Variants in DACH2 observed in about 807,000 individuals in gnomAD.
DACH2 encodes the protein dachshund family transcription factor 2, also known as dachshund homolog 2.
A neutral mutation model predicts 35.8 loss-of-function variants in DACH2; 17 were observed. That is an observed-to-expected ratio of 0.48 (90% CI 0.33 to 0.71). The LOEUF (loss-of-function observed/expected upper bound fraction) is 0.71, where lower values mean the gene tolerates loss of function less well. DACH2 is among the 30% of genes least tolerant of loss of function. The pLI is 0.02. For missense variants in DACH2, 469 were observed against 472.7 expected (o/e 0.99, Z 0.07); for synonymous variants, 195 against 177.3 (o/e 1.10, Z -0.79).
At chrX:86,623,066 T>A (rs1256584020) in intron 3 of DACH2, among the ~76,000 whole-genome samples, 1 of 111,825 alleles carries the variant, frequency 8.9e-6, no homozygotes, top group Non-Finnish European at 1.9e-5. Flanking sequence ...ACTGCCCACC[T>A]GGGAAAGACC....
intron 2 of DACH2, among the ~76,000 whole-genome samples, chrX:86,446,230 G>A (rs1312102625): frequency 9.4e-6 from 1 of 105,994 alleles, no homozygotes; most frequent in East Asian, 3.0e-4. Flanking sequence ...TTCAGGCTAT[G>A]TTTGTCCTTA....
chrX:86,299,640 T>A (rs910103540), intron 1 of DACH2, among the ~76,000 whole-genome samples: 11 of 112,041 alleles, frequency 9.8e-5, no homozygotes, highest in African/African-American at 2.9e-4. Flanking sequence ...ACCCAAAATT[T>A]GTTTTATATT....
At chrX:86,150,673 A>C (rs1408558965) in intron 1 of DACH2, among the ~76,000 whole-genome samples, 1 of 111,865 alleles carries the variant, frequency 8.9e-6, no homozygotes, top group Non-Finnish European at 1.9e-5. Flanking sequence ...TGAAAACACA[A>C]AGGATAACAG....
At chrX:86,676,801 G>A (rs1157541422) in intron 4 of DACH2, among the ~76,000 whole-genome samples, 5 of 111,270 alleles carry the variant, frequency 4.5e-5, no homozygotes, top group African/African-American at 1.3e-4. Context: ...TAGGTTGTTG[G>A]TTTTGTGAGC....
At chrX:86,646,148 C>T (rs147566798) in intron 3 of DACH2, among the ~76,000 whole-genome samples, 13 of 111,363 alleles carry the variant, frequency 1.2e-4, no homozygotes, top group African/African-American at 4.2e-4. Flanking sequence ...CAGCAACATG[C>T]GTAGAACTGG....
At chrX:86,298,894 G>A (rs748996056) in intron 1 of DACH2, among the ~76,000 whole-genome samples, 6 of 111,725 alleles carry the variant, frequency 5.4e-5, no homozygotes, top group Non-Finnish European at 1.1e-4. Flanking sequence ...ATAGTTTGAA[G>A]AAAACCACAG....
At chrX:86,272,277 A>C (rs2033828661) in intron 1 of DACH2, among the ~76,000 whole-genome samples, 2 of 109,219 alleles carry the variant, frequency 1.8e-5, no homozygotes, top group African/African-American at 6.7e-5. Flanking sequence ...GGTTTATTTC[A>C]TACCTTTGCT....
At chrX:86,173,678 C>A (rs770757326) in intron 1 of DACH2, among the ~76,000 whole-genome samples, 3 of 111,523 alleles carry the variant, frequency 2.7e-5, no homozygotes, top group African/African-American at 9.8e-5. Flanking sequence ...GGGGAGTTGG[C>A]CACATGGATC....
intron 4 of DACH2, among the ~76,000 whole-genome samples, chrX:86,656,817 T>C (rs947614332): frequency 8.3e-5 from 8 of 95,854 alleles, no homozygotes; most frequent in Admixed American, 4.8e-4. Context: ...AATCAAGCCA[T>C]AAAATACATA....
chrX:86,332,537 T>C (rs1445940904), intron 1 of DACH2, among the ~76,000 whole-genome samples: 2 of 111,854 alleles, frequency 1.8e-5, no homozygotes, highest in East Asian at 5.6e-4. Flanking sequence ...TTCTTCAATT[T>C]TTATTTTTGT....
intron 1 of DACH2, among the ~76,000 whole-genome samples, chrX:86,168,970 G>T (rs1485574773): frequency 9.0e-6 from 1 of 110,800 alleles, no homozygotes. Context: ...GTGTTTTTTT[G>T]TGTGCTTATT....
At chrX:86,816,726 C>T (rs1414320327) in intron 11 of DACH2, among the ~76,000 whole-genome samples, 1 of 111,722 alleles carries the variant, frequency 9.0e-6, no homozygotes, top group Non-Finnish European at 1.9e-5. Flanking sequence ...TAGAGTCTCA[C>T]TGGAGTGCAA....
At chrX:86,541,454 A>C (rs2038879978) in intron 3 of DACH2, among the ~76,000 whole-genome samples, 1 of 111,287 alleles carries the variant, frequency 9.0e-6, no homozygotes, top group African/African-American at 3.3e-5. Context: ...ATACATATTT[A>C]TACAAATATA....
At chrX:86,508,583 A>G (rs1035909771) in intron 2 of DACH2, among the ~76,000 whole-genome samples, 1 of 110,537 alleles carries the variant, frequency 9.0e-6, no homozygotes, top group African/African-American at 3.3e-5. Context: ...AAGATTTACT[A>G]AGGTGCATTG....
chrX:86,496,982 C>G (rs1488865798), intron 2 of DACH2, among the ~76,000 whole-genome samples: 1 of 111,916 alleles, frequency 8.9e-6, no homozygotes, highest in Non-Finnish European at 1.9e-5. Flanking sequence ...GAAATTAATC[C>G]TCATTACAGG....
intron 6 of DACH2, among the ~76,000 whole-genome samples, chrX:86,716,534 A>G (rs777218011): frequency 2.2e-4 from 24 of 111,627 alleles, no homozygotes; most frequent in Non-Finnish European, 4.1e-4. Context: ...CTTCTCTAAA[A>G]CAAACAGACA....
chrX:86,254,701 A>G (rs2033467561), intron 1 of DACH2, among the ~76,000 whole-genome samples: 1 of 98,572 alleles, frequency 1.0e-5, no homozygotes, highest in Non-Finnish European at 2.0e-5. Context: ...AAGCACTCAT[A>G]AGAAAGGGAA....
chrX:86,359,547 A>G lies in DACH2; in HGVS notation c.489-17277A>G, dbSNP rs780099032. 1.2e-4 allele frequency among the ~76,000 whole-genome samples: 13 copies of G among 111,746 alleles called. No homozygotes were observed. The South Asian group carries it at 4.9e-3, about 42-fold the overall frequency. On this transcript the variant is annotated intron_variant, in intron 1 of 11. Transcript: ENST00000373125. ...AGGATTGGTTGAGGCCAGGAATTGG[A>G]GACCAGCCTGGTCAACATAGTGAGA...
intron 3 of DACH2, among the ~76,000 whole-genome samples, chrX:86,638,312 G>A (rs2040303434): frequency 8.9e-6 from 1 of 111,764 alleles, no homozygotes; most frequent in Non-Finnish European, 1.9e-5. Context: ...AAAAATATCC[G>A]AAGAAAACCC....
Sources: allele counts gnomAD v4.1 joint callset (sites outside exome capture counted in the v4.1 genomes callset), GRCh38; gene constraint gnomAD v4.1.1; transcripts MANE v1.5; gene names NCBI Gene and HGNC (gene_info 2026-07-23, HGNC 2026-07-21).